Variants in TSPAN4 observed in about 807,000 individuals in gnomAD.
The protein encoded by TSPAN4 is tetraspanin-4.
TSPAN4 carries 38 observed loss-of-function variants against 31.5 expected under a neutral mutation model. That is an observed-to-expected ratio of 1.21 (90% CI 0.93 to 1.58). TSPAN4 has a LOEUF of 1.58. TSPAN4 is among the 40% of genes most tolerant of loss of function. The pLI is 0.00. For synonymous variants in TSPAN4, 186 were observed against 144.6 expected (o/e 1.29, Z -2.06); for missense variants, 330 against 317.3 (o/e 1.04, Z -0.30).
chr11:848,075 C>T lies in TSPAN4; in HGVS notation c.-18+775C>T, dbSNP rs992895329. Among the ~76,000 whole-genome samples, 1 of 152,218 alleles carries T rather than the reference C, an allele frequency of 6.6e-6. No individual in the cohort carries two copies. The highest frequency in any genetic ancestry group is 2.4e-5 in the African/African-American group (1 of 41,458). On this transcript the variant is annotated intron_variant, in intron 2 of 8. Coordinates refer to ENST00000397397, the MANE Select transcript of TSPAN4 (RefSeq NM_003271.5). This position sits in a 1 kb window ranked among gnomAD's most constrained non-coding sequence, Gnocchi z 5.7. Reference sequence around the variant, plus strand: ...GGTGCTCTGAGCGCTGCCCAGGTCACATGTGAGCTCCCTGGAGGCGCTGCA... The same window carrying T: ...GGTGCTCTGAGCGCTGCCCAGGTCATATGTGAGCTCCCTGGAGGCGCTGCA...
chr11:847,611 AC>A lies in TSPAN4; in HGVS notation c.-18+320del, dbSNP rs1171373234. On this transcript the variant is annotated intron_variant, in intron 2 of 8. Coordinates refer to ENST00000397397, the MANE Select transcript of TSPAN4 (RefSeq NM_003271.5). ...GAAGCAAGCCCAGCTCCCCGCCCCCACCCCCCCCCAACCCCGCTCCTCCTGA... is the reference window on the plus strand; with the variant it reads ...GAAGCAAGCCCAGCTCCCCGCCCCCACCCCCCCCAACCCCGCTCCTCCTGA... Among the ~76,000 whole-genome samples, 501 of 76,548 alleles carry A rather than the reference AC, an allele frequency of 6.5e-3. 2 individuals are homozygous for A. Among genetic ancestry groups the A allele is most frequent in the Middle Eastern group, 9.1e-3 (1 of 110 alleles). 50.2% of individuals were successfully genotyped at this position (76,548 alleles called of 152,430 possible).
rs1197203219 is a variant in TSPAN4 at position 850,405 on chromosome 11, C to T, written c.63+38C>T. The T allele has an allele frequency of 1.2e-5, 19 of 1,572,078 alleles. No individual in the cohort carries two copies. The Admixed American group carries it at 3.3e-4, about 27-fold the overall frequency. ...GCCGGGGTGGGGGCCCGGGAAAGAC[C>T]CGGGGTCCCTCCCGCGGCGGGTCGC... On this transcript the variant is annotated intron_variant, in intron 3 of 8. Coordinates refer to ENST00000397397, the MANE Select transcript of TSPAN4 (RefSeq NM_003271.5).
intron 4 of TSPAN4, chr11:863,883 G>T (rs952257297): frequency 1.3e-5 from 2 of 154,622 alleles, no homozygotes; most frequent in Non-Finnish European, 2.9e-5. Flanking sequence ...CGCCAGGCGG[G>T]GGAAGCTTGC....
chr11:850,486 G>A, intron 3 of TSPAN4, 119 bp downstream of exon 3: 1 of 878,848 alleles, frequency 1.1e-6, no homozygotes, highest in Non-Finnish European at 1.8e-6. Context: ...CGGTTGTGGG[G>A]ATGGTCCCGG....
At chr11:866,453 C>T (rs1848843868) in intron 8 of TSPAN4, 109 bp from the exon 9 acceptor site, 2 of 1,015,016 alleles carry the variant, frequency 2.0e-6, no homozygotes, top group South Asian at 3.3e-5. Context: ...TGTCGCCCAC[C>T]CTGGGGTCGG....
chr11:845,777 C>G (rs1847286015), intron 1 of TSPAN4, among the ~76,000 whole-genome samples: 1 of 152,118 alleles, frequency 6.6e-6, no homozygotes, highest in African/African-American at 2.4e-5. Flanking sequence ...TCGGTGGTCC[C>G]AGGAGGAAAG....
chr11:849,137 G>T (rs970513000), intron 2 of TSPAN4, among the ~76,000 whole-genome samples: 2 of 152,166 alleles, frequency 1.3e-5, no homozygotes, highest in Non-Finnish European at 1.5e-5. Context: ...GGGACAGCAC[G>T]GGGCGGAGGC....
intron 2 of TSPAN4, chr11:849,019 C>T (rs1213957521): frequency 3.4e-6 from 2 of 595,618 alleles, no homozygotes; most frequent in Admixed American, 3.1e-5. Flanking sequence ...AATTCTGGGC[C>T]CCTTGTTTAA....
At chr11:846,937 G>C (rs746582678) in intron 1 of TSPAN4, among the ~76,000 whole-genome samples, 9 of 152,196 alleles carry the variant, frequency 5.9e-5, no homozygotes, top group Admixed American at 5.9e-4. Context: ...GTGAGTCTGT[G>C]TCCCTGCCTG....
chr11:855,757 A>G (rs905654169), intron 3 of TSPAN4, among the ~76,000 whole-genome samples: 4 of 152,198 alleles, frequency 2.6e-5, no homozygotes, highest in African/African-American at 9.7e-5. Flanking sequence ...CATCCCTGGA[A>G]ACCAGCATCC....
rs750639437 is a variant in TSPAN4, at chr11:865,716, A to G, written c.455A>G (p.Asn152Ser). 5.6e-6 allele frequency: 9 copies of G among 1,613,368 alleles called. No individual in the cohort carries two copies. The highest frequency in any genetic ancestry group is 2.2e-5 in the East Asian group (1 of 44,846). Residue 152 changes from asparagine (N) to serine (S), a missense_variant, in exon 7 of 9, where the codon AAC (asparagine) becomes AGC (serine). Asn to Ser is a conservative substitution (Grantham distance 46, BLOSUM62 1). Transcript: ENST00000397397. The part of the protein sequence containing the change: ...QTDFRCCGVS[N>S]YTDWFEVYNA... ...CAGTTCCGCTGCTGTGGCGTCTCCA[A>G]CTACACTGACTGGTTCGAGGTGTAC...
intron 3 of TSPAN4, among the ~76,000 whole-genome samples, chr11:853,908 C>G (rs965144193): frequency 6.6e-6 from 1 of 152,176 alleles, no homozygotes; most frequent in Non-Finnish European, 1.5e-5. Context: ...GTGCAGGGCC[C>G]GTGAGCCTGA....
At chr11:855,309 A>T (rs1007903802) in intron 3 of TSPAN4, among the ~76,000 whole-genome samples, 2 of 152,082 alleles carry the variant, frequency 1.3e-5, no homozygotes, top group Non-Finnish European at 1.5e-5. Context: ...AGCGTGGGGG[A>T]CCTGGGCTTC....
rs1009870867 is a variant in TSPAN4 at position 847,229 on chromosome 11, C to T, written c.-89C>T. 6.6e-6 allele frequency: 1 copy of T among 152,298 alleles called. No homozygotes were observed. Among genetic ancestry groups the T allele is most frequent in the Non-Finnish European group, 1.5e-5 (1 of 68,106 alleles). The allele number at this position is 152,298 out of a possible 1,614,324, so 9.4% of individuals were successfully genotyped here. Reference sequence around the variant, plus strand: ...TTGGGGCTTCCTTGGTCGCACCCACCACCTGCCTGCCCACTGGTCAGCCTT... The same window carrying T: ...TTGGGGCTTCCTTGGTCGCACCCACTACCTGCCTGCCCACTGGTCAGCCTT... On this transcript the variant is annotated 5_prime_UTR_variant, in exon 2 of 9. Coordinates refer to ENST00000397397, the MANE Select transcript of TSPAN4 (RefSeq NM_003271.5).
chr11:850,402 G>A, intron 3 of TSPAN4, 35 bp downstream of exon 3: 1 of 1,577,730 alleles, frequency 6.3e-7, no homozygotes, highest in Non-Finnish European at 8.6e-7. Flanking sequence ...GCCCGGGAAA[G>A]ACCCGGGGTC....
Position 865,952 on chromosome 11 carries a change from A to G in TSPAN4, c.599A>G (p.Glu200Gly), listed in dbSNP as rs753527476. Residue 200 changes from glutamate (E) to glycine (G), a missense_variant, in exon 8 of 9, where the codon GAG (glutamate) becomes GGG (glycine). Transcript: ENST00000397397. The part of the protein sequence containing the change: ...CYETVKVWLQ[E>G]NLLAVGIFGL... Reference sequence around the variant, plus strand: ...GAGACGGTGAAGGTGTGGCTTCAGGAGAACCTGCTGGCTGTGGGCATCTTT... The same window carrying G: ...GAGACGGTGAAGGTGTGGCTTCAGGGGAACCTGCTGGCTGTGGGCATCTTT... The G allele has an allele frequency of 4.3e-6, 7 of 1,612,748 alleles. No individual in the cohort carries two copies. Among genetic ancestry groups the G allele is most frequent in the Non-Finnish European group, 5.1e-6 (6 of 1,179,986 alleles).
At chr11:844,974 G>C (rs890248256) in intron 1 of TSPAN4, among the ~76,000 whole-genome samples, 5 of 152,190 alleles carry the variant, frequency 3.3e-5, no homozygotes, top group Non-Finnish European at 5.9e-5. Flanking sequence ...GGGAGCACGG[G>C]CTGAGCCCTG....
At chr11:862,892 T>G in intron 4 of TSPAN4, 151 bp downstream of exon 4, 2 of 795,462 alleles carry the variant, frequency 2.5e-6, no homozygotes, top group Non-Finnish European at 3.8e-6. Context: ...CCCGGGGCCC[T>G]GGCCACTGTT....
At chr11:865,413 A>C in intron 5 of TSPAN4, 100 bp from the exon 6 acceptor site, 1 of 896,902 alleles carries the variant, frequency 1.1e-6, no homozygotes, top group Non-Finnish European at 1.8e-6. Context: ...ACACAAGACC[A>C]GGCGCAGGAG....
Sources: allele counts gnomAD v4.1 joint callset (sites outside exome capture counted in the v4.1 genomes callset), GRCh38; gene constraint gnomAD v4.1.1; non-coding constraint Gnocchi (gnomAD v3.1); transcripts MANE v1.5; gene names NCBI Gene and HGNC (gene_info 2026-07-23, HGNC 2026-07-21).